The following ANKFN1 variants were observed in gnomAD, a reference collection of about 807,000 sequenced individuals.
ANKFN1 encodes the protein ankyrin repeat and fibronectin type-III domain-containing protein 1.
Under a neutral mutation model 108.7 loss-of-function variants are expected in ANKFN1, and 74 were observed. That is an observed-to-expected ratio of 0.68 (90% CI 0.56 to 0.83). The LOEUF (loss-of-function observed/expected upper bound fraction) is 0.83. ANKFN1 is among the 40% of genes least tolerant of loss of function. The probability of loss-of-function intolerance (pLI) is 0.00; values close to 1 mark genes in which losing one functional copy is unlikely to be tolerated. For synonymous variants in ANKFN1, 547 were observed against 516.2 expected (o/e 1.06, Z -0.81); for missense variants, 1,505 against 1,382.3 (o/e 1.09, Z -1.41).
intron 4 of ANKFN1, among the ~76,000 whole-genome samples, chr17:56,140,898 C>T (rs1907880461): frequency 6.6e-6 from 1 of 152,190 alleles, no homozygotes; most frequent in South Asian, 2.1e-4. Flanking sequence ...CCAAGTAGGA[C>T]ATCTGTTAGC....
intron 4 of ANKFN1, among the ~76,000 whole-genome samples, chr17:56,105,711 C>CTGTCTGTGTGTGTG (rs1555594332): frequency 1.2e-3 from 174 of 144,662 alleles, no homozygotes; most frequent in African/African-American, 2.3e-3. Context: ...GTTTTTTTGT[C>CTGTCTGTGTGTGTG]TGTGTGTGTG....
intron 4 of ANKFN1, among the ~76,000 whole-genome samples, chr17:56,092,658 C>T (rs1905442057): frequency 6.6e-6 from 1 of 151,222 alleles, no homozygotes; most frequent in Non-Finnish European, 1.5e-5. Flanking sequence ...CACAGCTCTA[C>T]AGGTCAGAAG....
chr17:56,477,234 G>C (rs2050531317), intron 15 of ANKFN1, among the ~76,000 whole-genome samples: 1 of 151,980 alleles, frequency 6.6e-6, no homozygotes, highest in South Asian at 2.1e-4. Flanking sequence ...ACCTACACTG[G>C]CACAGAAATC....
At chr17:56,473,817 CTT>C (rs1291642346) in intron 15 of ANKFN1, among the ~76,000 whole-genome samples, 1 of 151,060 alleles carries the variant, frequency 6.6e-6, no homozygotes, top group East Asian at 1.9e-4. Flanking sequence ...CAGTAATAGT[CTT>C]AAAAAATTGA....
intron 3 of ANKFN1, among the ~76,000 whole-genome samples, chr17:56,308,400 G>A (rs576150268): frequency 1.2e-4 from 18 of 152,046 alleles, no homozygotes; most frequent in South Asian, 2.1e-4. Flanking sequence ...TGTTCATCTC[G>A]TATCTTGTGA....
chr17:56,091,218 T>C (rs1184646870), intron 4 of ANKFN1, among the ~76,000 whole-genome samples: 1 of 150,972 alleles, frequency 6.6e-6, no homozygotes, highest in Non-Finnish European at 1.5e-5. Context: ...AAGAAGTTGG[T>C]AAATGGTTCA....
intron 11 of ANKFN1, 42 bp from the exon 12 acceptor site, chr17:56,456,819 G>C (rs758715800): frequency 3.3e-6 from 5 of 1,536,256 alleles, no homozygotes; most frequent in Middle Eastern, 1.7e-4. Flanking sequence ...GTGTTGATCT[G>C]CCCAGTGGAA....
chr17:56,083,558 A>G (rs1905273306), intron 4 of ANKFN1, among the ~76,000 whole-genome samples: 1 of 151,486 alleles, frequency 6.6e-6, no homozygotes, highest in African/African-American at 2.4e-5. Flanking sequence ...TGGCTCTTGA[A>G]ATGATTCTTT....
intron 1 of ANKFN1, among the ~76,000 whole-genome samples, chr17:56,178,693 G>A (rs1224680778): frequency 6.6e-6 from 1 of 151,696 alleles, no homozygotes; most frequent in Admixed American, 6.6e-5. Context: ...CATTCCAGGG[G>A]GCATGATGGT....
At chr17:56,423,585 T>A (rs1479717590) in intron 8 of ANKFN1, among the ~76,000 whole-genome samples, 2 of 152,144 alleles carry the variant, frequency 1.3e-5, no homozygotes, top group East Asian at 3.9e-4. Context: ...TCTTCTGCAG[T>A]ACATCCATTT....
At position 56,384,311 on chromosome 17, in the gene ANKFN1, T is replaced by A. The variant is rs536517178; in HGVS notation, c.910+9597T>A. Reference sequence around the variant, plus strand: ...TGCTAAAAACTCTCAATAAATTAGGTATTGATGGGACGTATCTCAAAATAA... The same window carrying A: ...TGCTAAAAACTCTCAATAAATTAGGAATTGATGGGACGTATCTCAAAATAA... On this transcript the variant is annotated intron_variant, in intron 8 of 20. Coordinates refer to ENST00000682825, the MANE Select transcript of ANKFN1 (RefSeq NM_001370326.1). Among the ~76,000 whole-genome samples, 101 of 152,222 alleles carry A rather than the reference T, an allele frequency of 6.6e-4. 3 individuals carry two copies. In the East Asian group the frequency reaches 0.014, roughly 20 times the overall value.
At chr17:56,096,069 G>A (rs1905526635) in intron 4 of ANKFN1, among the ~76,000 whole-genome samples, 1 of 152,160 alleles carries the variant, frequency 6.6e-6, no homozygotes, top group Non-Finnish European at 1.5e-5. Flanking sequence ...TAGTTTACTT[G>A]TAAGGTTGTT....
chr17:56,184,074 A>G (rs1350675750), intron 1 of ANKFN1, among the ~76,000 whole-genome samples: 2 of 152,198 alleles, frequency 1.3e-5, no homozygotes, highest in African/African-American at 2.4e-5. Context: ...AAATTACAAA[A>G]ACTTACTTGA....
intron 4 of ANKFN1, among the ~76,000 whole-genome samples, chr17:56,086,901 A>G (rs1378626331): frequency 6.6e-6 from 1 of 151,414 alleles, no homozygotes; most frequent in Non-Finnish European, 1.5e-5. Flanking sequence ...GGAATTTAGC[A>G]TGAATTATCT....
intron 8 of ANKFN1, among the ~76,000 whole-genome samples, chr17:56,388,374 C>T (rs974495696): frequency 6.6e-6 from 1 of 152,092 alleles, no homozygotes; most frequent in Non-Finnish European, 1.5e-5. Context: ...TCTAGTGATC[C>T]ACCCACCTTG....
chr17:56,396,653 G>A (rs2047596331), intron 8 of ANKFN1, among the ~76,000 whole-genome samples: 1 of 151,980 alleles, frequency 6.6e-6, no homozygotes, highest in Admixed American at 6.6e-5. Context: ...CATACCATGT[G>A]CTAGCCATTG....
At chr17:56,088,229 A>G (rs1006681999) in intron 4 of ANKFN1, among the ~76,000 whole-genome samples, 2 of 151,338 alleles carry the variant, frequency 1.3e-5, no homozygotes, top group African/African-American at 4.9e-5. Context: ...GGCCCTAGCT[A>G]GTTCAGAACA....
chr17:56,190,533 T>A (rs1912803022), intron 1 of ANKFN1, among the ~76,000 whole-genome samples: 1 of 142,966 alleles, frequency 7.0e-6, no homozygotes, highest in African/African-American at 2.7e-5. Context: ...TTGAGTGAGA[T>A]TCTTAATCCT....
intron 14 of ANKFN1, among the ~76,000 whole-genome samples, chr17:56,459,256 A>G (rs2049821935): frequency 6.6e-6 from 1 of 151,924 alleles, no homozygotes; most frequent in African/African-American, 2.4e-5. Context: ...GATCACAGGC[A>G]CCCACTACCA....
Sources: gnomAD v4.1 joint callset for allele counts (sites outside exome capture counted in the v4.1 genomes callset) on GRCh38, gnomAD v4.1.1 for gene constraint, MANE v1.5 for transcripts, NCBI Gene and HGNC (gene_info 2026-07-23, HGNC 2026-07-21) for gene names.